Variants in MACROD2 observed in about 807,000 individuals in gnomAD.
MACROD2 encodes the protein mono-ADP ribosylhydrolase 2.
MACROD2 carries 36 observed loss-of-function variants against 70.4 expected under a neutral mutation model. The observed-to-expected ratio is 0.51, with a 90% CI of 0.39 to 0.68. The LOEUF is 0.68. Among genes scored for constraint, MACROD2 ranks in the 30% least tolerant of loss-of-function variants. The pLI, the probability that MACROD2 is intolerant of heterozygous loss-of-function variation, is 0.00. For synonymous variants in MACROD2, 172 were observed against 178.8 expected, an observed-to-expected ratio of 0.96 and a Z score of 0.30; for missense variants, 496 against 538.4, an observed-to-expected ratio of 0.92 and a Z score of 0.78.
chr20:14,090,585 A>G (rs1372217855), intron 3 of MACROD2, among the ~76,000 whole-genome samples: 6 of 151,610 alleles, frequency 4.0e-5, no homozygotes, highest in African/African-American at 1.5e-4. Flanking sequence ...AAAAAAAAAA[A>G]AGAACCCCCT....
intron 2 of MACROD2, among the ~76,000 whole-genome samples, chr20:14,068,471 T>G (rs540345561): frequency 6.6e-6 from 1 of 152,314 alleles, no homozygotes; most frequent in East Asian, 1.9e-4. Context: ...AGAATGATGA[T>G]AAAACATACA....
chr20:16,002,966 G>A (rs1039012236), intron 15 of MACROD2, among the ~76,000 whole-genome samples: 2 of 152,070 alleles, frequency 1.3e-5, no homozygotes, highest in African/African-American at 4.8e-5. Context: ...AGTCTCCTCA[G>A]TTGCACTTTC....
At chr20:14,862,514 TATATAA>T (rs1194821439) in intron 5 of MACROD2, among the ~76,000 whole-genome samples, 1 of 31,584 alleles carries the variant, frequency 3.2e-5, no homozygotes, top group South Asian at 1.1e-3. Context: ...TATAAATATA[TATATAA>T]ATATAAATAT....
chr20:14,159,872 G>T (rs2055158717), intron 3 of MACROD2, among the ~76,000 whole-genome samples: 1 of 152,004 alleles, frequency 6.6e-6, no homozygotes, highest in Non-Finnish European at 1.5e-5. Flanking sequence ...TCATATATGG[G>T]CTTTATCATA....
intron 6 of MACROD2, among the ~76,000 whole-genome samples, chr20:15,266,128 A>G (rs1362671654): frequency 6.6e-6 from 1 of 152,230 alleles, no homozygotes; most frequent in South Asian, 2.1e-4. Context: ...AGAATTGGAG[A>G]ATGTGGATCA....
At chr20:14,299,319 A>G (rs1221395098) in intron 3 of MACROD2, among the ~76,000 whole-genome samples, 1 of 152,176 alleles carries the variant, frequency 6.6e-6, no homozygotes, top group Non-Finnish European at 1.5e-5. Flanking sequence ...ATTGAGATAT[A>G]TACATATTTT....
At chr20:14,527,082 C>T (rs1036239980) in intron 4 of MACROD2, among the ~76,000 whole-genome samples, 24 of 152,308 alleles carry the variant, frequency 1.6e-4, no homozygotes, top group Admixed American at 1.1e-3. Flanking sequence ...GTTGGGCCTC[C>T]GCTTGGCGGA....
chr20:15,095,558 C>A (rs1474727635), intron 5 of MACROD2, among the ~76,000 whole-genome samples: 1 of 150,912 alleles, frequency 6.6e-6, no homozygotes, highest in Admixed American at 6.6e-5. Context: ...TGCTCTGTAG[C>A]CCAGGCTGGA....
At chr20:14,541,464 T>C (rs1045429197) in intron 4 of MACROD2, among the ~76,000 whole-genome samples, 4 of 152,288 alleles carry the variant, frequency 2.6e-5, no homozygotes, top group African/African-American at 9.6e-5. Flanking sequence ...CTATTACTTA[T>C]AATTACAAGG....
intron 8 of MACROD2, among the ~76,000 whole-genome samples, chr20:15,611,984 C>G (rs1490466876): frequency 6.6e-6 from 1 of 150,788 alleles, no homozygotes. Flanking sequence ...ATCCTCCTAC[C>G]ACCACCCGGC....
At chr20:14,400,336 A>G (rs35346025) in intron 3 of MACROD2, among the ~76,000 whole-genome samples, 23,721 of 152,114 alleles carry the variant, frequency 0.16, 2,597 homozygotes, top group Non-Finnish European at 0.23. Flanking sequence ...ACTCTCCCTG[A>G]TGACCCGTAA....
intron 6 of MACROD2, among the ~76,000 whole-genome samples, chr20:15,265,741 C>A (rs538461694): frequency 6.6e-6 from 1 of 152,258 alleles, no homozygotes; most frequent in East Asian, 1.9e-4. Context: ...AAGGCTATAA[C>A]CATGCACACA....
intron 5 of MACROD2, among the ~76,000 whole-genome samples, chr20:14,899,528 TG>T (rs1223062456): frequency 6.6e-6 from 1 of 152,176 alleles, no homozygotes; most frequent in African/African-American, 2.4e-5. Flanking sequence ...CATCCTCACA[TG>T]GGGGTCTCTT....
intron 5 of MACROD2, among the ~76,000 whole-genome samples, chr20:15,005,291 A>G (rs754352538): frequency 2.0e-5 from 3 of 152,172 alleles, no homozygotes; most frequent in African/African-American, 4.8e-5. Context: ...CACATTTTTC[A>G]TCTCTGTAAT....
intron 3 of MACROD2, among the ~76,000 whole-genome samples, chr20:14,423,894 C>T (rs1162380832): frequency 6.6e-6 from 1 of 150,788 alleles, no homozygotes; most frequent in East Asian, 2.0e-4. Flanking sequence ...TCCCGAGTAG[C>T]TGGCATTACA....
At chr20:14,287,860 T>G (rs957519638) in intron 3 of MACROD2, among the ~76,000 whole-genome samples, 1 of 152,162 alleles carries the variant, frequency 6.6e-6, no homozygotes, top group African/African-American at 2.4e-5. Context: ...CTCAGTTCCT[T>G]GACATGTGGC....
chr20:15,062,500 G>A (rs1245464613), intron 5 of MACROD2, among the ~76,000 whole-genome samples: 1 of 151,782 alleles, frequency 6.6e-6, no homozygotes, highest in Non-Finnish European at 1.5e-5. Flanking sequence ...TTCTGTAATT[G>A]TGAAAATGAA....
chr20:15,768,452 T>G (rs1002214631), intron 8 of MACROD2, among the ~76,000 whole-genome samples: 1 of 152,130 alleles, frequency 6.6e-6, no homozygotes, highest in Non-Finnish European at 1.5e-5. Flanking sequence ...ATGGTCCACT[T>G]GTATAGGGCA....
At chr20:15,510,915 A>G (rs1461748427) in intron 8 of MACROD2, among the ~76,000 whole-genome samples, 1 of 152,200 alleles carries the variant, frequency 6.6e-6, no homozygotes, top group Admixed American at 6.5e-5. Flanking sequence ...TAGTGAGGAG[A>G]CTATTCATTT....
Sources: allele counts gnomAD v4.1 joint callset (sites outside exome capture counted in the v4.1 genomes callset), GRCh38; gene constraint gnomAD v4.1.1; transcripts MANE v1.5; gene names NCBI Gene and HGNC (gene_info 2026-07-23, HGNC 2026-07-21).